HECW2: variants seen among roughly 807,000 people sequenced by gnomAD.
HECW2 encodes the protein E3 ubiquitin-protein ligase HECW2.
Under a neutral mutation model 175.2 loss-of-function variants are expected in HECW2, and 61 were observed. That is an observed-to-expected ratio of 0.35 (90% CI 0.28 to 0.43). HECW2 has a LOEUF of 0.43. Ranked by LOEUF, HECW2 falls within the 20% of genes least tolerant of loss-of-function variation. The pLI, the probability that HECW2 is intolerant of heterozygous loss-of-function variation, is 1.00. For missense variants in HECW2, 1,524 were observed against 2,000.5 expected (o/e 0.76, Z 4.54); for synonymous variants, 671 against 731.0 (o/e 0.92, Z 1.32).
At chr2:196,519,712 T>C (rs1403667834) in intron 1 of HECW2, among the ~76,000 whole-genome samples, 1 of 152,154 alleles carries the variant, frequency 6.6e-6, no homozygotes, top group Non-Finnish European at 1.5e-5. Context: ...GTCACAGGAG[T>C]AATTAGATTT....
At chr2:196,338,261 A>G (rs1048591191) in intron 3 of HECW2, among the ~76,000 whole-genome samples, 2 of 152,096 alleles carry the variant, frequency 1.3e-5, no homozygotes, top group African/African-American at 4.8e-5. Flanking sequence ...CAACCATTCT[A>G]CCACCTGTTT....
chr2:196,323,137 A>T (rs1431767497), intron 6 of HECW2, among the ~76,000 whole-genome samples: 1 of 152,228 alleles, frequency 6.6e-6, no homozygotes, highest in Non-Finnish European at 1.5e-5. Flanking sequence ...GATAAATGTT[A>T]AAAGAATGTT....
At chr2:196,510,640 A>AT (rs1559150258) in intron 1 of HECW2, among the ~76,000 whole-genome samples, 1 of 151,256 alleles carries the variant, frequency 6.6e-6, no homozygotes, top group African/African-American at 2.4e-5. Flanking sequence ...AAAGACACTG[A>AT]TTTTTTTAAG....
At chr2:196,294,144 T>G (rs1553493049) in intron 13 of HECW2, among the ~76,000 whole-genome samples, 1 of 152,154 alleles carries the variant, frequency 6.6e-6, no homozygotes, top group Non-Finnish European at 1.5e-5. Context: ...TCCAAAACCT[T>G]ACAGTCTTCA....
chr2:196,551,970 C>T (rs1233264765), intron 1 of HECW2, among the ~76,000 whole-genome samples: 1 of 152,148 alleles, frequency 6.6e-6, no homozygotes, highest in Non-Finnish European at 1.5e-5. Context: ...ACTTCCTCAG[C>T]CTTCATGACA....
chr2:196,588,982 A>G (rs956024056), intron 1 of HECW2, among the ~76,000 whole-genome samples: 1 of 152,144 alleles, frequency 6.6e-6, no homozygotes, highest in Non-Finnish European at 1.5e-5. Context: ...AGGGTGGATC[A>G]TTTGTCAGGA....
intron 1 of HECW2, among the ~76,000 whole-genome samples, chr2:196,489,600 A>G (rs1214610263): frequency 1.3e-5 from 2 of 152,220 alleles, no homozygotes; most frequent in African/African-American, 4.8e-5. Context: ...GGAACAGACC[A>G]CAAGCCTGTT....
At chr2:196,361,715 C>A (rs563891437) in intron 2 of HECW2, 1 of 828,370 alleles carries the variant, frequency 1.2e-6, no homozygotes, top group African/African-American at 1.8e-5. Context: ...AAGAGCTTTT[C>A]AAAGTGAAAG....
At chr2:196,228,006 G>A (rs1209900022) in intron 22 of HECW2, 96 bp downstream of exon 22, 2 of 1,188,192 alleles carry the variant, frequency 1.7e-6, no homozygotes, top group South Asian at 1.9e-5. Context: ...CTTTGCCCAA[G>A]GGAAAAAATG....
chr2:196,445,604 A>T (rs959667330), intron 1 of HECW2, among the ~76,000 whole-genome samples: 5 of 152,218 alleles, frequency 3.3e-5, no homozygotes, highest in African/African-American at 9.6e-5. Context: ...AAGTCAAGCT[A>T]CATGAAAGAA....
At chr2:196,277,159 A>G (rs184042513) in intron 15 of HECW2, among the ~76,000 whole-genome samples, 44 of 152,354 alleles carry the variant, frequency 2.9e-4, no homozygotes, top group South Asian at 1.7e-3. Context: ...TGAAGCTGCA[A>G]AAGGAAGAAC....
intron 1 of HECW2, among the ~76,000 whole-genome samples, chr2:196,520,086 A>T (rs1199598252): frequency 6.6e-6 from 1 of 152,228 alleles, no homozygotes; most frequent in African/African-American, 2.4e-5. Flanking sequence ...TCTAGAACTG[A>T]AAAAGGGTAT....
chr2:196,394,187 A>G (rs1183146053), intron 2 of HECW2, among the ~76,000 whole-genome samples: 1 of 152,086 alleles, frequency 6.6e-6, no homozygotes, highest in Non-Finnish European at 1.5e-5. Flanking sequence ...GCATTAGGAG[A>G]TATACCTAAT....
intron 1 of HECW2, among the ~76,000 whole-genome samples, chr2:196,570,956 T>G (rs1690364471): frequency 1.3e-5 from 2 of 152,242 alleles, no homozygotes; most frequent in African/African-American, 4.8e-5. Flanking sequence ...GTTTCCCTGA[T>G]GTTCAAAGAA....
intron 13 of HECW2, among the ~76,000 whole-genome samples, chr2:196,302,918 C>T (rs1375923992): frequency 6.6e-6 from 1 of 152,150 alleles, no homozygotes; most frequent in African/African-American, 2.4e-5. Context: ...TTTCTTTTGA[C>T]TGATTGCCCT....
At chr2:196,559,585 A>T (rs1217328541) in intron 1 of HECW2, among the ~76,000 whole-genome samples, 1 of 152,220 alleles carries the variant, frequency 6.6e-6, no homozygotes, top group Non-Finnish European at 1.5e-5. Flanking sequence ...AGGAGCTCTA[A>T]CAAAGTTAGG....
chr2:196,587,574 G>A (rs931663237), intron 1 of HECW2, among the ~76,000 whole-genome samples: 4 of 152,128 alleles, frequency 2.6e-5, no homozygotes, highest in African/African-American at 9.6e-5. Flanking sequence ...AACTACTTTT[G>A]AACCACTTAT....
Position 196,441,646 on chromosome 2 carries a change from C to A in HECW2, c.-35-8188G>T, listed in dbSNP as rs966902430. Among the ~76,000 whole-genome samples, 21 of 152,088 alleles carry A rather than the reference C, an allele frequency of 1.4e-4. 2 individuals are homozygous for A. The highest frequency in any genetic ancestry group is 5.1e-4 in the African/African-American group (21 of 41,394). On this transcript the variant is annotated intron_variant, in intron 1 of 28. Coordinates refer to ENST00000644978, the MANE Select transcript of HECW2 (RefSeq NM_001348768.2). The stretch of plus-strand genomic sequence containing the variant: ...AAAGCTCCCCCTCCAGTGGATTTCC[C>A]CTGTGTGTAGCAAGAGAGAGCATTT...
chr2:196,469,122 T>TGTGTGTGC (rs1553520739), intron 1 of HECW2, among the ~76,000 whole-genome samples: 318 of 79,320 alleles, frequency 4.0e-3, no homozygotes, highest in African/African-American at 0.029. Flanking sequence ...TGTGTGTGCG[T>TGTGTGTGC]GTGTGTGTGT....
Sources: gnomAD v4.1 joint callset for allele counts (sites outside exome capture counted in the v4.1 genomes callset) on GRCh38, gnomAD v4.1.1 for gene constraint, MANE v1.5 for transcripts, NCBI Gene and HGNC (gene_info 2026-07-23, HGNC 2026-07-21) for gene names.